SPOCK1: variants seen among roughly 807,000 people sequenced by gnomAD.
The protein encoded by SPOCK1 is testican-1.
Under a neutral mutation model 55.3 loss-of-function variants are expected in SPOCK1, and 23 were observed. That is an observed-to-expected ratio of 0.42 (90% CI 0.30 to 0.59). The LOEUF is 0.59. SPOCK1 is among the 20% of genes least tolerant of loss of function. SPOCK1 has a pLI of 0.22. For missense variants in SPOCK1, 499 were observed against 552.5 expected, an observed-to-expected ratio of 0.90 and a Z score of 0.97; for synonymous variants, 226 against 221.0, an observed-to-expected ratio of 1.02 and a Z score of -0.20.
intron 7 of SPOCK1, among the ~76,000 whole-genome samples, chr5:136,989,187 T>G (rs776271159): frequency 9.2e-5 from 14 of 152,242 alleles, no homozygotes; most frequent in African/African-American, 3.1e-4. Flanking sequence ...TTCCCCACTC[T>G]TCTCTTCTGC....
chr5:137,199,640 T>C (rs764609133), intron 3 of SPOCK1, among the ~76,000 whole-genome samples: 3 of 152,040 alleles, frequency 2.0e-5, no homozygotes, highest in Non-Finnish European at 4.4e-5. Context: ...TTCGAGCAAT[T>C]TCCTCTCAGC....
chr5:137,133,322 A>G (rs542894713), intron 4 of SPOCK1, among the ~76,000 whole-genome samples: 21 of 150,528 alleles, frequency 1.4e-4, no homozygotes, highest in Non-Finnish European at 2.7e-4. Flanking sequence ...GTGAGCCAAG[A>G]TTGCACCACT....
intron 3 of SPOCK1, among the ~76,000 whole-genome samples, chr5:137,231,265 G>A (rs926314316): frequency 1.4e-4 from 22 of 152,192 alleles, no homozygotes; most frequent in African/African-American, 3.6e-4. Context: ...GGCTGGTCTC[G>A]AACTCCTGTC....
At chr5:137,229,306 T>C (rs1561478199) in intron 3 of SPOCK1, among the ~76,000 whole-genome samples, 1 of 152,162 alleles carries the variant, frequency 6.6e-6, no homozygotes, top group Non-Finnish European at 1.5e-5. Flanking sequence ...GGAAACTCAA[T>C]GTGAACTAGC....
At chr5:137,018,275 A>G (rs1171670840) in intron 6 of SPOCK1, among the ~76,000 whole-genome samples, 2 of 152,214 alleles carry the variant, frequency 1.3e-5, no homozygotes, top group Non-Finnish European at 2.9e-5. Flanking sequence ...TATTCTGTGG[A>G]AGATATGACT....
At chr5:137,132,872 T>C (rs902575070) in intron 4 of SPOCK1, among the ~76,000 whole-genome samples, 22 of 152,258 alleles carry the variant, frequency 1.4e-4, no homozygotes, top group African/African-American at 5.3e-4. Flanking sequence ...GCAGAGGCTC[T>C]GGTTCTTGAG....
chr5:137,476,312 A>G (rs1753837095), intron 2 of SPOCK1, among the ~76,000 whole-genome samples: 1 of 152,252 alleles, frequency 6.6e-6, no homozygotes, highest in South Asian at 2.1e-4. Flanking sequence ...AAAGAGAAGC[A>G]GAGAACAAAA....
intron 3 of SPOCK1, among the ~76,000 whole-genome samples, chr5:137,188,644 A>C (rs1040163600): frequency 2.1e-5 from 3 of 143,554 alleles, no homozygotes; most frequent in Admixed American, 7.3e-5. Flanking sequence ...CTCTAAGATA[A>C]AACAATATTG....
intron 2 of SPOCK1, among the ~76,000 whole-genome samples, chr5:137,352,649 G>A (rs929392941): frequency 1.3e-5 from 2 of 152,158 alleles, no homozygotes; most frequent in African/African-American, 4.8e-5. Context: ...AAGAAGGAGG[G>A]AGGAGTGGAG....
chr5:137,022,583 G>A (rs1314706669), intron 6 of SPOCK1, among the ~76,000 whole-genome samples: 1 of 152,164 alleles, frequency 6.6e-6, no homozygotes, highest in Non-Finnish European at 1.5e-5. Context: ...CATGCAAGAC[G>A]CCCAGGATGT....
chr5:137,103,941 C>T lies in SPOCK1; in HGVS notation c.474+8494G>A, dbSNP rs549820547. 3.3e-5 allele frequency among the ~76,000 whole-genome samples: 5 copies of T among 152,350 alleles called. No homozygotes were observed. The South Asian group carries it at 1.0e-3, about 32-fold the overall frequency. On this transcript the variant is annotated intron_variant, in intron 5 of 10. Transcript: ENST00000394945. ...GAAAAGGCAAAATTCAGTCATCTGA[C>T]ACTGAGTGTTTGTCCCCAACCTTCA...
At chr5:137,463,191 G>C in intron 2 of SPOCK1, among the ~76,000 whole-genome samples, 1 of 152,104 alleles carries the variant, frequency 6.6e-6, no homozygotes, top group Non-Finnish European at 1.5e-5. Context: ...ATACCCAAAA[G>C]AAAGGAAATC....
At chr5:137,033,756 ATTAATTT>A (rs1376753215) in intron 6 of SPOCK1, among the ~76,000 whole-genome samples, 4 of 152,122 alleles carry the variant, frequency 2.6e-5, no homozygotes, top group Admixed American at 6.6e-5. Context: ...CTATGTTGTT[ATTAATTT>A]TCATTTATTT....
At chr5:137,104,115 T>C (rs748982184) in intron 5 of SPOCK1, among the ~76,000 whole-genome samples, 1 of 150,094 alleles carries the variant, frequency 6.7e-6, no homozygotes, top group Non-Finnish European at 1.5e-5. Flanking sequence ...TCCTGTTGAA[T>C]TGTAATCCCC....
chr5:137,198,599 T>C (rs1326963803), intron 3 of SPOCK1, among the ~76,000 whole-genome samples: 1 of 152,218 alleles, frequency 6.6e-6, no homozygotes, highest in Non-Finnish European at 1.5e-5. Flanking sequence ...GTCTACGAAA[T>C]TTTTTGCTCA....
intron 2 of SPOCK1, among the ~76,000 whole-genome samples, chr5:137,313,905 G>C (rs1757829639): frequency 6.7e-6 from 1 of 149,212 alleles, no homozygotes; most frequent in African/African-American, 2.5e-5. Flanking sequence ...CAGCAGAACT[G>C]ACATACGCTC....
intron 4 of SPOCK1, among the ~76,000 whole-genome samples, chr5:137,130,351 C>G (rs1242631432): frequency 2.0e-5 from 3 of 152,128 alleles, no homozygotes; most frequent in African/African-American, 7.2e-5. Flanking sequence ...ACATATAACA[C>G]AGTGTCTGGC....
intron 2 of SPOCK1, among the ~76,000 whole-genome samples, chr5:137,393,356 C>A (rs1229541882): frequency 6.6e-6 from 1 of 152,202 alleles, no homozygotes; most frequent in Non-Finnish European, 1.5e-5. Flanking sequence ...ACCATGAGAA[C>A]ATGCCTGAGC....
At chr5:137,379,626 CACAAG>C (rs1383551695) in intron 2 of SPOCK1, among the ~76,000 whole-genome samples, 4 of 140,466 alleles carry the variant, frequency 2.8e-5, no homozygotes, top group African/African-American at 7.8e-5. Flanking sequence ...TTAAAAATCA[CACAAG>C]ACAAGTCAAT....
Sources: allele counts gnomAD v4.1 joint callset (sites outside exome capture counted in the v4.1 genomes callset), GRCh38; gene constraint gnomAD v4.1.1; transcripts MANE v1.5; gene names NCBI Gene and HGNC (gene_info 2026-07-23, HGNC 2026-07-21).